The following AFDN variants were observed in gnomAD, a reference collection of about 807,000 sequenced individuals.
The protein encoded by AFDN is afadin.
Under a neutral mutation model 216.6 loss-of-function variants are expected in AFDN, and 68 were observed. The observed-to-expected ratio is 0.31, with a 90% CI of 0.26 to 0.38. AFDN has a LOEUF of 0.38. Among genes scored for constraint, AFDN ranks in the 10% least tolerant of loss-of-function variants. AFDN has a pLI of 1.00. For missense variants in AFDN, 2,136 were observed against 2,342.0 expected, an observed-to-expected ratio of 0.91 and a Z score of 1.82; for synonymous variants, 868 against 853.7, an observed-to-expected ratio of 1.02 and a Z score of -0.29.
At chr6:167,953,748 C>T (rs1796235029) in intron 30 of AFDN, among the ~76,000 whole-genome samples, 1 of 152,310 alleles carries the variant, frequency 6.6e-6, no homozygotes, top group East Asian at 1.9e-4. Context: ...CTGCTGGCGC[C>T]AGGTGCATGC....
intron 15 of AFDN, chr6:167,911,892 C>CT (rs1019578521): frequency 4.2e-6 from 1 of 235,494 alleles, no homozygotes; most frequent in African/African-American, 2.3e-5. Context: ...GGTTCCAAAA[C>CT]GTCTCCATCA....
intron 21 of AFDN, among the ~76,000 whole-genome samples, chr6:167,920,879 T>C: frequency 6.6e-6 from 1 of 152,198 alleles, no homozygotes; most frequent in Non-Finnish European, 1.5e-5. Flanking sequence ...GTCTTCCTAC[T>C]TAACATGTCT....
intron 28 of AFDN, 113 bp downstream of exon 28, chr6:167,948,057 T>C: frequency 1.2e-6 from 1 of 859,880 alleles, no homozygotes; most frequent in Middle Eastern, 2.3e-4. Context: ...TTGATTATAA[T>C]TTCTAAATTT....
At chr6:167,933,054 G>A (rs1476490591) in intron 23 of AFDN, among the ~76,000 whole-genome samples, 1 of 152,170 alleles carries the variant, frequency 6.6e-6, no homozygotes, top group Non-Finnish European at 1.5e-5. Flanking sequence ...CTTTAAATAT[G>A]ATAACTGCCG....
At position 167,872,367 on chromosome 6, in the gene AFDN, G is replaced by C. The variant is rs1451203988; in HGVS notation, c.568G>C (p.Gly190Arg). Reference protein sequence around the residue: ...ASDKDDRPFQGEDVENSRLAA... With the variant: ...ASDKDDRPFQREDVENSRLAA... ...TGATAAAGATGATAGACCTTTCCAA[G>C]GGGAGGATGTGTAAGTCAGTTTTGG... is the stretch of plus-strand genomic sequence containing the variant. The change falls in exon 4 of 34, where the codon GGG (glycine) becomes CGG (arginine). Residue 190 changes from glycine to arginine, a missense_variant. Gly to Arg is a moderately radical substitution (Grantham distance 125). Coordinates refer to ENST00000683244, the MANE Select transcript of AFDN (RefSeq NM_001386888.1). 5 of 1,606,814 alleles carry C rather than the reference G, an allele frequency of 3.1e-6. No homozygotes were observed. The highest frequency in any genetic ancestry group is 1.3e-5 in the African/African-American group (1 of 74,326).
chr6:167,899,034 C>CT (rs1443235299), intron 11 of AFDN, among the ~76,000 whole-genome samples: 1 of 152,072 alleles, frequency 6.6e-6, no homozygotes, highest in Non-Finnish European at 1.5e-5. Context: ...ACTTCATTGT[C>CT]TATTTTTCAT....
At chr6:167,934,004 AG>A (rs1793656979) in intron 23 of AFDN, among the ~76,000 whole-genome samples, 1 of 152,184 alleles carries the variant, frequency 6.6e-6, no homozygotes, top group African/African-American at 2.4e-5. Context: ...CAGGAGTGTC[AG>A]GCTCACCTCC....
chr6:167,966,149 C>T (rs910626403), intron 32 of AFDN, 104 bp downstream of exon 32: 13 of 1,534,762 alleles, frequency 8.5e-6, no homozygotes, highest in African/African-American at 5.5e-5. Context: ...CCTCCGATGG[C>T]GTCTTTCTCT....
At chr6:167,912,757 C>G (rs546514469) in intron 15 of AFDN, among the ~76,000 whole-genome samples, 1 of 152,290 alleles carries the variant, frequency 6.6e-6, no homozygotes, top group South Asian at 2.1e-4. Context: ...TCAGTGAAAT[C>G]ACCATTATCA....
At position 167,890,990 on chromosome 6, in the gene AFDN, C is replaced by G. The variant is rs148307373; in HGVS notation, c.1138C>G (p.Pro380Ala). The G allele has an allele frequency of 2.7e-5, 44 of 1,613,880 alleles. No homozygotes were observed. The African/African-American group carries it at 4.8e-4, about 18-fold the overall frequency. Residue 380 changes from proline to alanine, a missense_variant, in exon 8 of 34, where the codon CCT becomes GCT. Coordinates refer to ENST00000683244, the MANE Select transcript of AFDN (RefSeq NM_001386888.1). Reference sequence around the variant, plus strand: ...CGGGTCTGGCTATGGCTCCACCCTTCCTCCGGAGAAGCTGCCCTATTTAGT... The same window carrying G: ...CGGGTCTGGCTATGGCTCCACCCTTGCTCCGGAGAAGCTGCCCTATTTAGT... Reference protein sequence around the residue: ...ADGSGYGSTLPPEKLPYLVEL... With the variant: ...ADGSGYGSTLAPEKLPYLVEL...
chr6:167,951,253 A>C lies in AFDN; in HGVS notation c.3899A>C (p.Glu1300Ala), dbSNP rs1795941308. 6.2e-7 allele frequency: 1 copy of C among 1,611,384 alleles called. No homozygotes were observed. Among genetic ancestry groups the C allele is most frequent in the Admixed American group, 1.7e-5 (1 of 59,416 alleles). ...TACCAACTTGAGCGGCATCGAATAG[A>C]GGCAGCTATGGACCGAAAGTCTGAT... Reference protein sequence around the residue: ...KAYQLERHRIEAAMDRKSDSD... With the variant: ...KAYQLERHRIAAAMDRKSDSD... The change falls in exon 30 of 34, where the codon GAG (glutamate) becomes GCG (alanine). Residue 1300 changes from glutamate (E) to alanine (A), a missense_variant. Transcript: ENST00000683244. This position sits in a 1 kb window ranked among gnomAD's most constrained non-coding sequence, Gnocchi z 7.1.
At chr6:167,884,848 T>C (rs1220820426) in intron 6 of AFDN, among the ~76,000 whole-genome samples, 3 of 152,212 alleles carry the variant, frequency 2.0e-5, no homozygotes, top group Non-Finnish European at 4.4e-5. Flanking sequence ...GAAGCCAGGC[T>C]TTGCCTTCTC....
At chr6:167,936,537 A>T (rs1352446563) in intron 23 of AFDN, among the ~76,000 whole-genome samples, 1 of 152,188 alleles carries the variant, frequency 6.6e-6, no homozygotes, top group Non-Finnish European at 1.5e-5. Flanking sequence ...AAGTGGTTTA[A>T]TATTTCTGAA....
intron 13 of AFDN, among the ~76,000 whole-genome samples, chr6:167,909,311 A>G (rs1178710497): frequency 6.6e-6 from 1 of 151,934 alleles, no homozygotes; most frequent in East Asian, 1.9e-4. Flanking sequence ...ATATTTGGTT[A>G]TATTTTTATT....
intron 26 of AFDN, among the ~76,000 whole-genome samples, chr6:167,945,450 A>G (rs77262857): frequency 0.022 from 3,356 of 152,358 alleles, 128 homozygotes; most frequent in African/African-American, 0.076. Context: ...ACAATAAAAA[A>G]TATAGTATAG....
chr6:167,841,604 T>A (rs182183368), intron 1 of AFDN, among the ~76,000 whole-genome samples: 7 of 152,368 alleles, frequency 4.6e-5, no homozygotes, highest in Admixed American at 3.9e-4. Flanking sequence ...AAATTGCATT[T>A]AATTTAATTT....
At chr6:167,937,979 A>G (rs1017299501) in intron 23 of AFDN, among the ~76,000 whole-genome samples, 74 of 152,238 alleles carry the variant, frequency 4.9e-4, no homozygotes, top group Non-Finnish European at 3.7e-4. Flanking sequence ...TGGAAGGGAT[A>G]GAGCTCCTTA....
chr6:167,957,568 C>T (rs2128723215), intron 30 of AFDN, among the ~76,000 whole-genome samples: 1 of 152,286 alleles, frequency 6.6e-6, no homozygotes, highest in Middle Eastern at 3.4e-3. Flanking sequence ...GGATCTCCTT[C>T]AGCACTAGAT....
chr6:167,933,373 T>C (rs1031146921), intron 23 of AFDN, among the ~76,000 whole-genome samples: 1 of 152,246 alleles, frequency 6.6e-6, no homozygotes, highest in Non-Finnish European at 1.5e-5. Flanking sequence ...AAAGACTGTT[T>C]ATTAACATGC....
Sources: allele counts gnomAD v4.1 joint callset (sites outside exome capture counted in the v4.1 genomes callset), GRCh38; gene constraint gnomAD v4.1.1; non-coding constraint Gnocchi (gnomAD v3.1); transcripts MANE v1.5; gene names NCBI Gene and HGNC (gene_info 2026-07-23, HGNC 2026-07-21).